Variants in ITIH6 observed in about 807,000 individuals in gnomAD.
ITIH6 encodes inter-alpha-trypsin inhibitor heavy chain H6.
In ITIH6, 60 loss-of-function variants were observed where a neutral mutation model predicts 58.2. The ratio of observed to expected loss-of-function variants is 1.03; its 90% CI spans 0.84 to 1.28. ITIH6 has a LOEUF of 1.28. ITIH6 is among the 50% of genes most tolerant of loss of function. The pLI, the probability that ITIH6 is intolerant of heterozygous loss-of-function variation, is 0.00. For synonymous variants in ITIH6, 493 were observed against 417.4 expected, an observed-to-expected ratio of 1.18 and a Z score of -2.21; for missense variants, 1,290 against 1,021.1, an observed-to-expected ratio of 1.26 and a Z score of -3.59.
At chrX:54,782,046 A>C (rs1355106214) in intron 5 of ITIH6, among the ~76,000 whole-genome samples, 1 of 111,624 alleles carries the variant, frequency 9.0e-6, no homozygotes, top group Non-Finnish European at 1.9e-5. Flanking sequence ...ATACATGGAC[A>C]CATAGAGGGG....
Position 54,790,861 on chromosome X carries a change from G to C in ITIH6, c.592C>G (p.Arg198Gly). ...YVHIPPLRTGRLRTNAHASEV... is the reference protein window; with the variant it reads ...YVHIPPLRTGGLRTNAHASEV... ...CTTGCATGGGCATTGGTGCGCAGAC[G>C]GCCGGTCCTCAGGGGTGGTATGTGC... The change falls in exon 4 of 13, where the codon CGT becomes GGT. Residue 198 changes from arginine to glycine, a missense_variant. Transcript: ENST00000218436. 2.5e-6 allele frequency: 3 copies of C among 1,212,085 alleles called. No individual in the cohort carries two copies. The highest frequency in any genetic ancestry group is 3.3e-6 in the Non-Finnish European group (3 of 895,529).
At chrX:54,769,924 G>C (rs1433588363) in intron 6 of ITIH6, among the ~76,000 whole-genome samples, 5 of 106,323 alleles carry the variant, frequency 4.7e-5, no homozygotes, top group Non-Finnish European at 7.8e-5. Context: ...GAGCTTCCCG[G>C]CTGCTTTGTT....
At chrX:54,765,859 T>G (rs1362189226) in intron 6 of ITIH6, among the ~76,000 whole-genome samples, 1 of 110,025 alleles carries the variant, frequency 9.1e-6, no homozygotes, top group Non-Finnish European at 1.9e-5. Flanking sequence ...GGCTTAGGAT[T>G]GACTTGGCAA....
At chrX:54,782,339 G>A (rs761371933) in intron 5 of ITIH6, among the ~76,000 whole-genome samples, 4 of 111,368 alleles carry the variant, frequency 3.6e-5, no homozygotes, top group East Asian at 2.8e-4. Context: ...TCGCTTGAAC[G>A]CAGGAGACCG....
rs1928308623 is a variant in ITIH6 at position 54,749,585 on chromosome X, G to A, written c.*310C>T. Reference sequence around the variant, plus strand: ...GAATATGCCATAGGAGTTAGGGAAAGCTGTGAGCAGAACTACTGATCATTT... The same window carrying A: ...GAATATGCCATAGGAGTTAGGGAAAACTGTGAGCAGAACTACTGATCATTT... On this transcript the variant is annotated 3_prime_UTR_variant, in exon 13 of 13. Transcript: ENST00000218436. 8 of 245,666 alleles carry A rather than the reference G, an allele frequency of 3.3e-5. No individual in the cohort carries two copies. The South Asian group carries it at 9.8e-4, about 30-fold the overall frequency. The allele number at this position is 245,666 out of a possible 1,213,427, so 20.2% of individuals were successfully genotyped here.
In ITIH6 at chrX:54,791,055, G is replaced by A; in HGVS notation, c.398C>T (p.Ser133Phe). Residue 133 changes from serine to phenylalanine, a missense_variant, in exon 4 of 13, where the codon TCC becomes TTC. Ser to Phe is a radical substitution (Grantham distance 155). Transcript: ENST00000218436. ...RDRESEKFRI[S>F]TSLAAGTEVT... is the part of the protein sequence containing the mutation. Reference sequence around the variant, plus strand: ...CTCTGTGCCTGCTGCCAGGCTGGTGGAGATGCGGAACTTCTCTGATTCCCG... The same window carrying A: ...CTCTGTGCCTGCTGCCAGGCTGGTGAAGATGCGGAACTTCTCTGATTCCCG... 1 of 1,211,484 alleles carries A rather than the reference G, an allele frequency of 8.3e-7. No individual in the cohort carries two copies. Among genetic ancestry groups the A allele is most frequent in the Non-Finnish European group, 1.1e-6 (1 of 895,279 alleles).
In ITIH6 at chrX:54,795,349, A is replaced by G. The variant is rs368615089; in HGVS notation, c.257+1593T>C. Reference sequence around the variant, plus strand: ...TATTTATATGCTTCATAATGTACCTAATATATTTGCTCAGCAGTATATTTA... The same window carrying G: ...TATTTATATGCTTCATAATGTACCTGATATATTTGCTCAGCAGTATATTTA... On this transcript the variant is annotated intron_variant, in intron 2 of 12. Coordinates refer to ENST00000218436, the MANE Select transcript of ITIH6 (RefSeq NM_198510.3). 7.1e-5 allele frequency among the ~76,000 whole-genome samples: 8 copies of G among 112,565 alleles called. No homozygotes were observed. The East Asian group carries it at 1.9e-3, about 27-fold the overall frequency.
intron 12 of ITIH6, 37 bp downstream of exon 12, chrX:54,750,966 G>T: frequency 9.0e-7 from 1 of 1,105,021 alleles, no homozygotes; most frequent in Non-Finnish European, 1.2e-6. Context: ...TTGGTGGCTG[G>T]TGCTCCCTGG....
At chrX:54,784,385 T>A (rs1471801585) in intron 5 of ITIH6, among the ~76,000 whole-genome samples, 1 of 111,270 alleles carries the variant, frequency 9.0e-6, no homozygotes, top group African/African-American at 3.3e-5. Flanking sequence ...AGGGAAATGA[T>A]AAACAAAGTG....
chrX:54,781,891 G>A (rs1317026416), intron 5 of ITIH6, among the ~76,000 whole-genome samples: 2 of 112,036 alleles, frequency 1.8e-5, no homozygotes, highest in Non-Finnish European at 3.8e-5. Context: ...CCATGAAATA[G>A]TATGCAACCA....
chrX:54,760,894 A>G (rs1317992634), intron 6 of ITIH6, among the ~76,000 whole-genome samples: 29 of 111,804 alleles, frequency 2.6e-4, no homozygotes, highest in Non-Finnish European at 4.9e-4. Flanking sequence ...GCCACAATAA[A>G]CATACGTGTG....
In ITIH6 at chrX:54,788,613, C is replaced by A. The variant is rs756095599; in HGVS notation, c.653G>T (p.Arg218Met). ...GGTGATTCGGACACAGGTCTCTCCC[C>A]TCTCGATCCTGGTGGATGGGGGTGA... Reference protein sequence around the residue: ...VDSPPSTRIERGETCVRITYC... With the variant: ...VDSPPSTRIEMGETCVRITYC... The change falls in exon 5 of 13, where the codon AGG (arginine) becomes ATG (methionine). Residue 218 changes from arginine to methionine, a missense_variant. Coordinates refer to ENST00000218436, the MANE Select transcript of ITIH6 (RefSeq NM_198510.3). 2 of 1,210,479 alleles carry A rather than the reference C, an allele frequency of 1.7e-6. No homozygotes were observed. The highest frequency in any genetic ancestry group is 1.1e-6 in the Non-Finnish European group (1 of 894,722).
intron 6 of ITIH6, among the ~76,000 whole-genome samples, chrX:54,761,093 G>T (rs750254939): frequency 8.9e-6 from 1 of 111,840 alleles, no homozygotes; most frequent in East Asian, 2.8e-4. Flanking sequence ...ATCCTCTCCA[G>T]CACCTGTTGT....
intron 7 of ITIH6, 48 bp from the exon 8 acceptor site, chrX:54,759,046 C>T (rs769969219): frequency 3.1e-6 from 3 of 955,982 alleles, no homozygotes; most frequent in Non-Finnish European, 2.8e-6. Flanking sequence ...TCACTTCTAC[C>T]CCCATTGCAG....
chrX:54,767,245 T>G (rs1278523830), intron 6 of ITIH6, among the ~76,000 whole-genome samples: 1 of 105,048 alleles, frequency 9.5e-6, no homozygotes, highest in African/African-American at 3.6e-5. Flanking sequence ...ATCCCCTTTA[T>G]CATTTTTTAT....
rs781338104 is a variant in ITIH6, at chrX:54,753,727, G to A, written c.3276C>T (p.His1092=). ...GDPHFVIQIP[H]SEEKICFTLN... ...GTGTGAAGCAGATCTTCTCTTCTGA[G>A]TGTGGGATTTGGATCACAAAGTGGG... Residue 1092 remains histidine (H), a synonymous_variant, in exon 11 of 13, where the codon CAC becomes CAT. Transcript: ENST00000218436. 9.1e-6 allele frequency: 11 copies of A among 1,209,170 alleles called. No individual in the cohort carries two copies. The highest frequency in any genetic ancestry group is 5.3e-5 in the South Asian group (3 of 56,752).
chrX:54,779,002 A>G (rs1929103038), intron 5 of ITIH6, among the ~76,000 whole-genome samples: 1 of 112,319 alleles, frequency 8.9e-6, no homozygotes, highest in South Asian at 3.7e-4. Flanking sequence ...GAAGGAAAAA[A>G]CTACTTTTAC....
chrX:54,777,609 G>C (rs1291141144), intron 5 of ITIH6, among the ~76,000 whole-genome samples: 1 of 112,325 alleles, frequency 8.9e-6, no homozygotes, highest in African/African-American at 3.2e-5. Flanking sequence ...ACAACAGAGA[G>C]AGAGAGAGAG....
At chrX:54,797,530 C>T (rs963856508) in intron 1 of ITIH6, among the ~76,000 whole-genome samples, 10 of 111,981 alleles carry the variant, frequency 8.9e-5, no homozygotes, top group Admixed American at 1.9e-4. Context: ...GCAGAGCATC[C>T]GCCATTCATT....
Sources: allele counts gnomAD v4.1 joint callset (sites outside exome capture counted in the v4.1 genomes callset), GRCh38; gene constraint gnomAD v4.1.1; transcripts MANE v1.5; gene names NCBI Gene and HGNC (gene_info 2026-07-23, HGNC 2026-07-21).